The following MFAP3L variants were observed in gnomAD, a reference collection of about 807,000 sequenced individuals.
MFAP3L encodes the protein microfibrillar-associated protein 3-like.
In MFAP3L, 5 loss-of-function variants were observed where a neutral mutation model predicts 20.0. The observed-to-expected ratio is 0.25, with a 90% CI of 0.13 to 0.53. MFAP3L has a LOEUF of 0.53. Among genes scored for constraint, MFAP3L ranks in the 20% least tolerant of loss-of-function variants. MFAP3L has a pLI of 0.96. For missense variants in MFAP3L, 409 were observed against 527.5 expected, an observed-to-expected ratio of 0.78 and a Z score of 2.20; for synonymous variants, 219 against 213.0, an observed-to-expected ratio of 1.03 and a Z score of -0.25.
chr4:169,992,783 T>C lies in MFAP3L; in HGVS notation c.299-474A>G, dbSNP rs1737824474. ...TGCCAGTGAGCATGCCTCCATTGAA[T>C]ATATGTTCACTGGGGAGGTTAATGC... On this transcript the variant is annotated intron_variant, in intron 2 of 2. Coordinates refer to ENST00000361618, the MANE Select transcript of MFAP3L (RefSeq NM_021647.8). This position sits in a 1 kb window ranked among gnomAD's most constrained non-coding sequence, Gnocchi z 4.3. Among the ~76,000 whole-genome samples the C allele has an allele frequency of 6.6e-6, 1 of 152,248 alleles. No individual in the cohort carries two copies. The highest frequency in any genetic ancestry group is 2.4e-5 in the African/African-American group (1 of 41,466).
chr4:169,996,813 C>T (rs938940981), intron 2 of MFAP3L, among the ~76,000 whole-genome samples: 1 of 152,152 alleles, frequency 6.6e-6, no homozygotes, highest in East Asian at 1.9e-4. Context: ...CATGACTTTT[C>T]CCCTGACAGG....
chr4:170,022,228 T>G (rs1740080266), intron 1 of MFAP3L, among the ~76,000 whole-genome samples: 1 of 152,244 alleles, frequency 6.6e-6, no homozygotes, highest in African/African-American at 2.4e-5. Flanking sequence ...TCCAGAGACC[T>G]GAATTACAGC....
chr4:169,995,501 C>T (rs754347080), intron 2 of MFAP3L, among the ~76,000 whole-genome samples: 1 of 152,198 alleles, frequency 6.6e-6, no homozygotes, highest in Non-Finnish European at 1.5e-5. Flanking sequence ...GGAGGCTCCT[C>T]CCGCATCAGC....
In MFAP3L at chr4:169,992,654, T is replaced by C. The variant is rs1293379771; in HGVS notation, c.299-345A>G. Among the ~76,000 whole-genome samples, 1 of 152,210 alleles carries C rather than the reference T, an allele frequency of 6.6e-6. No individual in the cohort carries two copies. Among genetic ancestry groups the C allele is most frequent in the Non-Finnish European group, 1.5e-5 (1 of 68,044 alleles). On this transcript the variant is annotated intron_variant, in intron 2 of 2. Transcript: ENST00000361618. The surrounding 1 kb of genome is among the most constrained non-coding windows in gnomAD (Gnocchi z 4.3). ...CTGCACTCTTAACTACCAAACCATA[T>C]TGTCTAACTCCACATCCTAGTGAAA...
chr4:170,025,288 G>A (rs1214493328), intron 1 of MFAP3L, among the ~76,000 whole-genome samples: 2 of 152,128 alleles, frequency 1.3e-5, no homozygotes, highest in Non-Finnish European at 2.9e-5. Flanking sequence ...AAAAAAATGT[G>A]TTTCATCTAG....
intron 1 of MFAP3L, among the ~76,000 whole-genome samples, chr4:170,023,692 A>G (rs1740176508): frequency 6.6e-6 from 1 of 152,242 alleles, no homozygotes; most frequent in South Asian, 2.1e-4. Context: ...GAGTGATAGT[A>G]TCTGCATGAT....
chr4:170,017,564 C>T (rs1739777517), intron 1 of MFAP3L, among the ~76,000 whole-genome samples: 1 of 152,196 alleles, frequency 6.6e-6, no homozygotes, highest in Non-Finnish European at 1.5e-5. Context: ...CAGTCCAGGG[C>T]TCCTGTTACC....
chr4:170,015,790 CACT>C (rs1739662783), intron 1 of MFAP3L, among the ~76,000 whole-genome samples: 1 of 152,184 alleles, frequency 6.6e-6, no homozygotes, highest in African/African-American at 2.4e-5. Context: ...GCCTGAGCCT[CACT>C]ACTTTTACCC....
chr4:170,008,034 T>C lies in MFAP3L; in HGVS notation c.-133-2024A>G, dbSNP rs529552232. Among the ~76,000 whole-genome samples, 29 of 152,284 alleles carry C rather than the reference T, an allele frequency of 1.9e-4. No individual in the cohort carries two copies. In the East Asian group the frequency reaches 5.2e-3, roughly 27 times the overall value. ...ATTTGGCTTTCTACGTTCAAACACATTGTGCTAGCAGAGTAAAGAGAAGGG... is the reference window on the plus strand; with the variant it reads ...ATTTGGCTTTCTACGTTCAAACACACTGTGCTAGCAGAGTAAAGAGAAGGG... On this transcript the variant is annotated intron_variant, in intron 1 of 2. Coordinates refer to ENST00000361618, the MANE Select transcript of MFAP3L (RefSeq NM_021647.8).
intron 1 of MFAP3L, among the ~76,000 whole-genome samples, chr4:170,025,015 T>C (rs1740261863): frequency 6.6e-6 from 1 of 152,254 alleles, no homozygotes; most frequent in South Asian, 2.1e-4. Flanking sequence ...TTAGCTTTAG[T>C]TAGCAGAACT....
chr4:170,005,345 G>T, intron 2 of MFAP3L: 1 of 563,492 alleles, frequency 1.8e-6, no homozygotes, highest in Non-Finnish European at 3.1e-6. Context: ...AAAATTCCAA[G>T]AAGCCTTTAA....
chr4:169,996,927 A>T (rs1738218383), intron 2 of MFAP3L, among the ~76,000 whole-genome samples: 1 of 152,070 alleles, frequency 6.6e-6, no homozygotes, highest in African/African-American at 2.4e-5. Context: ...AGCCTCACAC[A>T]TTTAGCCCAG....
chr4:170,017,999 C>A (rs1035756777), intron 1 of MFAP3L, among the ~76,000 whole-genome samples: 2 of 152,182 alleles, frequency 1.3e-5, no homozygotes, highest in African/African-American at 4.8e-5. Flanking sequence ...CACTATTATC[C>A]ACTTAGTACC....
rs1277839213 is a variant in MFAP3L at position 170,006,085 on chromosome 4, C to T, written c.-133-75G>A. ...CATTCAAAACACTATAAACGGTTAG[C>T]AATGCAGCTAAAATACAAACATCAA... On this transcript the variant is annotated intron_variant, in intron 1 of 2. Transcript: ENST00000361618. 4 of 1,139,360 alleles carry T rather than the reference C, an allele frequency of 3.5e-6. No individual in the cohort carries two copies. In the East Asian group the frequency reaches 8.4e-5, roughly 24 times the overall value. The allele number at this position is 1,139,360 out of a possible 1,614,324, so 70.6% of individuals were successfully genotyped here.
chr4:170,013,788 T>C (rs1269912759), intron 1 of MFAP3L, among the ~76,000 whole-genome samples: 1 of 152,192 alleles, frequency 6.6e-6, no homozygotes, highest in East Asian at 1.9e-4. Flanking sequence ...CTTATTCTTA[T>C]TCATTCATTC....
At position 170,009,331 on chromosome 4, in the gene MFAP3L, C is replaced by T. The variant is rs527638438; in HGVS notation, c.-133-3321G>A. 5.5e-5 allele frequency among the ~76,000 whole-genome samples: 8 copies of T among 146,140 alleles called. No homozygotes were observed. In the East Asian group the frequency reaches 1.0e-3, roughly 18 times the overall value. On this transcript the variant is annotated intron_variant, in intron 1 of 2. Transcript: ENST00000361618. ...CCAGGAGGCGGAGGTTACAGTGAGC[C>T]GAGATGGCATCACTGCACTCCAGCC...
At chr4:169,998,790 A>G (rs548015671) in intron 2 of MFAP3L, among the ~76,000 whole-genome samples, 4 of 152,352 alleles carry the variant, frequency 2.6e-5, no homozygotes, top group Admixed American at 1.3e-4. Context: ...TTTCCAGGAG[A>G]AGAATTAAAT....
rs1297490481 is a variant in MFAP3L at position 169,989,333 on chromosome 4, T to C, written c.*2045A>G. 1 of 152,206 alleles carries C rather than the reference T, an allele frequency of 6.6e-6. No individual in the cohort carries two copies. Among genetic ancestry groups the C allele is most frequent in the African/African-American group, 2.4e-5 (1 of 41,440 alleles). The allele number at this position is 152,206 out of a possible 1,614,324, so 9.4% of individuals were successfully genotyped here. A position where few individuals can be genotyped will look rare whatever the true frequency, so the allele number is the denominator to read the frequency against. ...TCATCAAACTCCATGACTAGTTCTATCACCTTCCACAACAGTTATCTATAA... is the reference window on the plus strand; with the variant it reads ...TCATCAAACTCCATGACTAGTTCTACCACCTTCCACAACAGTTATCTATAA... On this transcript the variant is annotated 3_prime_UTR_variant, in exon 3 of 3. Transcript: ENST00000361618.
Position 169,988,365 on chromosome 4 carries a change from C to T in MFAP3L, c.*3013G>A, listed in dbSNP as rs777400503. 3.3e-5 allele frequency: 5 copies of T among 152,216 alleles called. No homozygotes were observed. The highest frequency in any genetic ancestry group is 6.5e-5 in the Admixed American group (1 of 15,284). 9.4% of individuals were successfully genotyped at this position (152,216 alleles called of 1,614,324 possible). Reference sequence around the variant, plus strand: ...CATCTAAGTGAATTAAATGTACACACATATGTGAATCATTTTCAGAATTTC... The same window carrying T: ...CATCTAAGTGAATTAAATGTACACATATATGTGAATCATTTTCAGAATTTC... On this transcript the variant is annotated 3_prime_UTR_variant, in exon 3 of 3. Transcript: ENST00000361618.
Sources: gnomAD v4.1 joint callset for allele counts (sites outside exome capture counted in the v4.1 genomes callset) on GRCh38, gnomAD v4.1.1 for gene constraint, Gnocchi (gnomAD v3.1) non-coding constraint, MANE v1.5 for transcripts, NCBI Gene and HGNC (gene_info 2026-07-23, HGNC 2026-07-21) for gene names.